Variants in MAMDC2 observed in about 807,000 individuals in gnomAD.
The protein encoded by MAMDC2 is MAM domain-containing protein 2.
Under a neutral mutation model 89.8 loss-of-function variants are expected in MAMDC2, and 57 were observed. The ratio of observed to expected loss-of-function variants is 0.63; its 90% CI spans 0.51 to 0.79. The LOEUF (loss-of-function observed/expected upper bound fraction) is 0.79, where lower values mean the gene tolerates loss of function less well. Among genes scored for constraint, MAMDC2 ranks in the 30% least tolerant of loss-of-function variants. The pLI is 0.00. For synonymous variants in MAMDC2, 313 were observed against 293.4 expected (o/e 1.07, Z -0.68); for missense variants, 800 against 820.6 (o/e 0.97, Z 0.31).
At chr9:70,069,082 G>A (rs1827338203) in intron 2 of MAMDC2, among the ~76,000 whole-genome samples, 1 of 152,212 alleles carries the variant, frequency 6.6e-6, no homozygotes, top group South Asian at 2.1e-4. Context: ...TAGAAGGATT[G>A]TGTGTGCACA....
intron 9 of MAMDC2, 124 bp from the exon 10 acceptor site, chr9:70,168,578 C>A (rs745668114): frequency 3.0e-6 from 2 of 659,424 alleles, no homozygotes; most frequent in Admixed American, 4.9e-5. Context: ...GTTGTTCATA[C>A]GGACGCTGAA....
intron 2 of MAMDC2, among the ~76,000 whole-genome samples, chr9:70,053,842 G>A (rs1826967273): frequency 6.6e-6 from 1 of 152,188 alleles, no homozygotes; most frequent in Admixed American, 6.5e-5. Context: ...GGCTAATTAG[G>A]AGGCTACCCA....
intron 2 of MAMDC2, among the ~76,000 whole-genome samples, chr9:70,095,821 A>AAAGTGCAGACATAGG (rs1239899305): frequency 6.6e-6 from 1 of 152,122 alleles, no homozygotes; most frequent in African/African-American, 2.4e-5. Context: ...TTCCTAGTGA[A>AAAGTGCAGACATAGG]AAGTGCAGAC....
At chr9:70,116,592 C>G (rs1481450474) in intron 5 of MAMDC2, among the ~76,000 whole-genome samples, 1 of 151,918 alleles carries the variant, frequency 6.6e-6, no homozygotes, top group Non-Finnish European at 1.5e-5. Context: ...CTCTCCTTGC[C>G]TAATGCTATT....
intron 2 of MAMDC2, among the ~76,000 whole-genome samples, chr9:70,079,075 G>A (rs1037403459): frequency 1.3e-5 from 2 of 152,136 alleles, no homozygotes. Flanking sequence ...TCTGGAATTT[G>A]TCTTCACTCC....
intron 9 of MAMDC2, among the ~76,000 whole-genome samples, chr9:70,147,631 C>G (rs948083269): frequency 3.3e-5 from 5 of 150,126 alleles, no homozygotes; most frequent in African/African-American, 1.2e-4. Context: ...CCCGCATTTC[C>G]CTTCACCTCT....
intron 2 of MAMDC2, among the ~76,000 whole-genome samples, chr9:70,051,514 A>C (rs1318663555): frequency 6.6e-6 from 1 of 152,170 alleles, no homozygotes; most frequent in East Asian, 1.9e-4. Context: ...CTTGGGGTGT[A>C]ATATTCATTT....
At chr9:70,171,025 A>T (rs1189462409) in intron 11 of MAMDC2, 2 of 180,544 alleles carry the variant, frequency 1.1e-5, no homozygotes, top group African/African-American at 4.7e-5. Context: ...AGCTTTCAGT[A>T]GCCAAAACGC....
At chr9:70,081,212 G>C (rs1057503053) in intron 2 of MAMDC2, among the ~76,000 whole-genome samples, 14 of 152,044 alleles carry the variant, frequency 9.2e-5, no homozygotes, top group African/African-American at 3.4e-4. Flanking sequence ...GAGTAGGCAG[G>C]GAAGAGGAAA....
chr9:70,171,900 T>C (rs989681234), intron 11 of MAMDC2: 2 of 152,234 alleles, frequency 1.3e-5, no homozygotes, highest in African/African-American at 4.8e-5. Context: ...TAGGCCATAT[T>C]CAAAGCTGTT....
chr9:70,198,986 G>A (rs2033036696), intron 11 of MAMDC2, among the ~76,000 whole-genome samples: 1 of 151,980 alleles, frequency 6.6e-6, no homozygotes, highest in Non-Finnish European at 1.5e-5. Context: ...GTAACTATCT[G>A]AGGAATTAGC....
At chr9:70,058,697 T>C (rs1476062904) in intron 2 of MAMDC2, among the ~76,000 whole-genome samples, 1 of 152,222 alleles carries the variant, frequency 6.6e-6, no homozygotes, top group Non-Finnish European at 1.5e-5. Flanking sequence ...GCAACGTTCA[T>C]TTATTTTCTG....
chr9:70,054,110 C>T (rs1416364692), intron 2 of MAMDC2, among the ~76,000 whole-genome samples: 1 of 152,110 alleles, frequency 6.6e-6, no homozygotes, highest in Non-Finnish European at 1.5e-5. Context: ...CAGTTCTGAG[C>T]TGCCTGGGAC....
intron 11 of MAMDC2, among the ~76,000 whole-genome samples, chr9:70,182,222 A>G (rs1007981800): frequency 9.2e-5 from 14 of 152,192 alleles, no homozygotes. Flanking sequence ...ATTGTGGTGG[A>G]TAAGCTTTTT....
chr9:70,131,665 T>A, intron 7 of MAMDC2, 53 bp downstream of exon 7: 1 of 1,318,164 alleles, frequency 7.6e-7, no homozygotes, highest in Non-Finnish European at 1.1e-6. Flanking sequence ...TTTCAATAGA[T>A]GTTTGTGGTC....
At chr9:70,155,123 G>A (rs2052957530) in intron 9 of MAMDC2, among the ~76,000 whole-genome samples, 1 of 152,048 alleles carries the variant, frequency 6.6e-6, no homozygotes. Context: ...CTTTACCCCA[G>A]TCTTCTCAGC....
chr9:70,048,991 T>C (rs1826825558), intron 2 of MAMDC2, among the ~76,000 whole-genome samples: 1 of 152,146 alleles, frequency 6.6e-6, no homozygotes, highest in Non-Finnish European at 1.5e-5. Flanking sequence ...CTCAGCTACC[T>C]GGAAGAGGAA....
chr9:70,187,866 TGGACATA>T (rs2032791496), intron 11 of MAMDC2, among the ~76,000 whole-genome samples: 1 of 152,218 alleles, frequency 6.6e-6, no homozygotes, highest in East Asian at 1.9e-4. Context: ...ACTTTTTCTG[TGGACATA>T]TGTTTTCATT....
In MAMDC2 at chr9:70,210,622, A is replaced by C. The variant is rs1587574615; in HGVS notation, c.1652-7715A>C. Reference sequence around the variant, plus strand: ...TCTGTGTCTTTTAATTGGAGCATTTAGCCCATTTACATTTAAGGTTAATAT... The same window carrying C: ...TCTGTGTCTTTTAATTGGAGCATTTCGCCCATTTACATTTAAGGTTAATAT... On this transcript the variant is annotated intron_variant, in intron 11 of 13. Transcript: ENST00000377182. 3.3e-5 allele frequency among the ~76,000 whole-genome samples: 5 copies of C among 152,324 alleles called. No individual in the cohort carries two copies. The South Asian group carries it at 8.3e-4, about 25-fold the overall frequency.
Sources: gnomAD v4.1 joint callset for allele counts (sites outside exome capture counted in the v4.1 genomes callset) on GRCh38, gnomAD v4.1.1 for gene constraint, MANE v1.5 for transcripts, NCBI Gene and HGNC (gene_info 2026-07-23, HGNC 2026-07-21) for gene names.